The following NDUFA10 variants were observed in gnomAD, a reference collection of about 807,000 sequenced individuals.
NDUFA10 encodes NADH dehydrogenase [ubiquinone] 1 alpha subcomplex subunit 10, mitochondrial.
A neutral mutation model predicts 47.8 loss-of-function variants in NDUFA10; 40 were observed. The observed-to-expected ratio is 0.84, with a 90% CI of 0.65 to 1.09. The LOEUF is 1.09. NDUFA10 is among the 50% of genes least tolerant of loss of function. NDUFA10 has a pLI of 0.00. For missense variants in NDUFA10, 413 were observed against 451.1 expected, an observed-to-expected ratio of 0.92 and a Z score of 0.76; for synonymous variants, 183 against 172.2, an observed-to-expected ratio of 1.06 and a Z score of -0.49.
intron 4 of NDUFA10, among the ~76,000 whole-genome samples, chr2:239,927,794 G>C (rs1447729518): frequency 1.3e-5 from 2 of 152,202 alleles, no homozygotes; most frequent in Non-Finnish European, 2.9e-5. Context: ...TGACATCAGC[G>C]TGGCAGCCGC....
intron 4 of NDUFA10, among the ~76,000 whole-genome samples, chr2:239,925,580 A>C (rs1694052270): frequency 6.6e-6 from 1 of 152,242 alleles, no homozygotes; most frequent in Admixed American, 6.5e-5. Flanking sequence ...AACTTGCAGA[A>C]AACAACAGAG....
intron 8 of NDUFA10, among the ~76,000 whole-genome samples, chr2:239,994,970 T>A (rs1363580142): frequency 6.6e-6 from 1 of 152,134 alleles, no homozygotes; most frequent in Non-Finnish European, 1.5e-5. Flanking sequence ...TGAGTGATTT[T>A]ATAGCTTATA....
intron 9 of NDUFA10, among the ~76,000 whole-genome samples, chr2:239,970,575 T>C (rs752778095): frequency 2.8e-4 from 43 of 152,230 alleles, no homozygotes; most frequent in Non-Finnish European, 5.3e-4. Context: ...AACAGTCCAT[T>C]GTGTGGTTTC....
chr2:239,994,334 A>C (rs756003601), intron 8 of NDUFA10, among the ~76,000 whole-genome samples: 2 of 151,898 alleles, frequency 1.3e-5, no homozygotes, highest in Admixed American at 6.6e-5. Context: ...CTGCTGTCAG[A>C]CCAGGGCAGC....
At chr2:239,973,546 T>G (rs182391870) in intron 9 of NDUFA10, 1 of 470,676 alleles carries the variant, frequency 2.1e-6, no homozygotes, top group African/African-American at 2.0e-5. Context: ...GCAACTATCT[T>G]GGACACGATC....
At chr2:239,997,781 T>C (rs1696541276) in intron 8 of NDUFA10, among the ~76,000 whole-genome samples, 1 of 152,250 alleles carries the variant, frequency 6.6e-6, no homozygotes. Flanking sequence ...TACCAGGCTT[T>C]GAGAGCTATA....
intron 9 of NDUFA10, among the ~76,000 whole-genome samples, chr2:239,967,360 T>G (rs973584711): frequency 1.3e-5 from 2 of 152,044 alleles, no homozygotes; most frequent in Non-Finnish European, 2.9e-5. Context: ...CTTCTGTAAA[T>G]GAGGCCTCAC....
At chr2:239,953,510 G>C (rs976175156), downstream of NDUFA10, among the ~76,000 whole-genome samples, 6 of 152,262 alleles carry the variant, frequency 3.9e-5, no homozygotes, top group African/African-American at 1.4e-4. Flanking sequence ...GGTGACCTGA[G>C]CATGGTGGTG....
Position 239,961,097 on chromosome 2 carries a change from C to T in NDUFA10, c.*21G>A. Reference sequence around the variant, plus strand: ...CAGCTTGGCCATCACTGTGATGCAGCTGGAGCAGAAGGCGGCCCGTTCACT... The same window carrying T: ...CAGCTTGGCCATCACTGTGATGCAGTTGGAGCAGAAGGCGGCCCGTTCACT... On this transcript the variant is annotated 3_prime_UTR_variant, in exon 10 of 10. Coordinates refer to ENST00000252711, the MANE Select transcript of NDUFA10 (RefSeq NM_004544.4). 1 of 1,614,046 alleles carries T rather than the reference C, an allele frequency of 6.2e-7. No homozygotes were observed. Among genetic ancestry groups the T allele is most frequent in the Non-Finnish European group, 8.5e-7 (1 of 1,179,974 alleles).
chr2:239,943,655 G>A (rs1178973169), intron 4 of NDUFA10, among the ~76,000 whole-genome samples: 1 of 152,146 alleles, frequency 6.6e-6, no homozygotes, highest in Admixed American at 6.5e-5. Context: ...TCCATGAGCA[G>A]GGACAAATCT....
chr2:240,014,686 C>T, intron 5 of NDUFA10, 53 bp downstream of exon 5: 1 of 1,612,742 alleles, frequency 6.2e-7, no homozygotes, highest in African/African-American at 1.3e-5. Context: ...GCTTTTAGTG[C>T]TGATCTACAT....
chr2:239,999,490 G>A (rs757749929), intron 8 of NDUFA10, among the ~76,000 whole-genome samples: 10 of 152,046 alleles, frequency 6.6e-5, no homozygotes, highest in South Asian at 2.1e-4. Context: ...CATCCCCCTC[G>A]GGCTCCATCT....
At position 240,018,427 on chromosome 2, in the gene NDUFA10, T is replaced by G. The variant is rs1039215219; in HGVS notation, c.547+126A>C. On this transcript the variant is annotated intron_variant, in intron 4 of 9. Transcript: ENST00000252711. ...GTTCCTTTTTCCAGCGGAGACCGAT[T>G]AAGTAATGGCATTTATTCATCTATC... The G allele has an allele frequency of 8.9e-6, 14 of 1,577,938 alleles. No individual in the cohort carries two copies. In the African/African-American group the frequency reaches 1.4e-4, roughly 15 times the overall value.
At chr2:240,005,149 A>C in intron 8 of NDUFA10, 61 bp downstream of exon 8, 1 of 1,404,418 alleles carries the variant, frequency 7.1e-7, no homozygotes, top group South Asian at 1.2e-5. Context: ...AACTTCCCTA[A>C]GTTTCCCCAT....
intron 9 of NDUFA10, chr2:239,983,866 C>A: frequency 3.0e-6 from 4 of 1,355,612 alleles, no homozygotes; most frequent in Non-Finnish European, 3.9e-6. Context: ...ATATTCTAGA[C>A]GGGGTATTGG....
At chr2:239,937,064 C>T (rs578112067) in intron 4 of NDUFA10, among the ~76,000 whole-genome samples, 6 of 152,344 alleles carry the variant, frequency 3.9e-5, no homozygotes, top group South Asian at 4.1e-4. Context: ...CCCCTCTTGA[C>T]GAATCAGGAG....
chr2:239,967,341 C>T (rs1187448853), intron 9 of NDUFA10, among the ~76,000 whole-genome samples: 2 of 152,130 alleles, frequency 1.3e-5, no homozygotes, highest in African/African-American at 4.8e-5. Flanking sequence ...CAAATCTCGC[C>T]GCTGACTGCT....
chr2:239,908,068 C>CA (rs1350711820), intron 4 of NDUFA10, among the ~76,000 whole-genome samples: 1 of 152,106 alleles, frequency 6.6e-6, no homozygotes, highest in Admixed American at 6.5e-5. Flanking sequence ...TATGCAGCCA[C>CA]AAAAAAGGAT....
chr2:239,967,370 C>T (rs1296942963), intron 9 of NDUFA10, among the ~76,000 whole-genome samples: 3 of 150,518 alleles, frequency 2.0e-5, no homozygotes, highest in Non-Finnish European at 4.4e-5. Flanking sequence ...TGAGGCCTCA[C>T]TGGCACAACC....
Sources: allele counts gnomAD v4.1 joint callset (sites outside exome capture counted in the v4.1 genomes callset), GRCh38; gene constraint gnomAD v4.1.1; transcripts MANE v1.5; gene names NCBI Gene and HGNC (gene_info 2026-07-23, HGNC 2026-07-21).